SHANK2: variants seen among roughly 807,000 people sequenced by gnomAD.
The protein encoded by SHANK2 is SH3 and multiple ankyrin repeat domains 2.
In SHANK2, 43 loss-of-function variants were observed where a neutral mutation model predicts 133.7. The observed-to-expected ratio is 0.32, with a 90% CI of 0.25 to 0.41. The LOEUF is 0.41. SHANK2 is among the 10% of genes least tolerant of loss of function. The probability of loss-of-function intolerance (pLI) is 1.00; values close to 1 mark genes in which losing one functional copy is unlikely to be tolerated. For synonymous variants in SHANK2, 1,017 were observed against 952.8 expected, an observed-to-expected ratio of 1.07 and a Z score of -1.24; for missense variants, 1,994 against 2,235.8, an observed-to-expected ratio of 0.89 and a Z score of 2.18.
chr11:70,908,999 G>T (rs781983527), intron 10 of SHANK2, among the ~76,000 whole-genome samples: 50 of 152,230 alleles, frequency 3.3e-4, no homozygotes, highest in Admixed American at 1.5e-3. Flanking sequence ...AATACGTATG[G>T]CAGTCAAGGG....
Position 71,094,544 on chromosome 11 carries a change from G to T in SHANK2, c.737C>A (p.Ala246Asp). ...HKAARARNQV[A>D]LKTLLELGAS... ...AGATGGGCCCGAGTTTACCTTCAGG[G>T]CAACTTGGTTCCTCGCTCGGGCAGC... is the stretch of plus-strand genomic sequence containing the variant. The change falls in exon 7 of 26, where the codon GCC becomes GAC. Residue 246 changes from alanine to aspartate, a missense_variant. By Grantham distance (126) the Ala-to-Asp change is moderately radical (BLOSUM62 -2). Transcript: ENST00000601538. The T allele has an allele frequency of 1.3e-6, 2 of 1,550,522 alleles. No individual in the cohort carries two copies. Among genetic ancestry groups the T allele is most frequent in the East Asian group, 2.4e-5 (1 of 40,870 alleles).
Position 70,745,804 on chromosome 11 carries a change from C to T in SHANK2, c.1778-47041G>A, listed in dbSNP as rs548678027. On this transcript the variant is annotated intron_variant, in intron 14 of 25. Transcript: ENST00000601538. ...GAAGTTGCAGAGCCTTGGTGGGAAA[C>T]GCATTGCTGAGGATGCAAATGCAAC... Among the ~76,000 whole-genome samples, 84 of 152,316 alleles carry T rather than the reference C, an allele frequency of 5.5e-4. No homozygotes were observed. The South Asian group carries it at 5.8e-3, about 11-fold the overall frequency.
chr11:70,898,515 G>A lies in SHANK2; in HGVS notation c.1108-1948C>T, dbSNP rs145519930. Among the ~76,000 whole-genome samples the A allele has an allele frequency of 1.9e-3, 294 of 152,218 alleles. 6 individuals carry two copies. Among genetic ancestry groups the A allele is most frequent in the Admixed American group, 0.016 (238 of 15,278 alleles). ...AGATGGAGATGAAGAACACGTTACTGGAAACTGGAGGAAAAGTGATGCTCG... is the reference window on the plus strand; with the variant it reads ...AGATGGAGATGAAGAACACGTTACTAGAAACTGGAGGAAAAGTGATGCTCG... On this transcript the variant is annotated intron_variant, in intron 10 of 25. Transcript: ENST00000601538.
chr11:70,955,114 C>T (rs151090003), intron 10 of SHANK2, among the ~76,000 whole-genome samples: 485 of 152,318 alleles, frequency 3.2e-3, no homozygotes, highest in African/African-American at 0.011. Flanking sequence ...AAATTTGGGC[C>T]TTATTAAAAT....
rs1175079236 is a variant in SHANK2, at chr11:70,468,714, T to C, written c.*4155A>G. ...ATGGTGAAGCGGGAGAGCTTGAGGGTGAACTACAAAAGATATGAGGACTGG... is the reference window on the plus strand; with the variant it reads ...ATGGTGAAGCGGGAGAGCTTGAGGGCGAACTACAAAAGATATGAGGACTGG... On this transcript the variant is annotated 3_prime_UTR_variant, in exon 26 of 26. Coordinates refer to ENST00000601538, the MANE Select transcript of SHANK2 (RefSeq NM_012309.5). 6.6e-6 allele frequency: 1 copy of C among 151,918 alleles called. No homozygotes were observed. The highest frequency in any genetic ancestry group is 1.5e-5 in the Non-Finnish European group (1 of 67,994). 9.4% of individuals were successfully genotyped at this position (151,918 alleles called of 1,614,324 possible). A position where few individuals can be genotyped will look rare whatever the true frequency, so the allele number is the denominator to read the frequency against.
intron 13 of SHANK2, among the ~76,000 whole-genome samples, chr11:70,801,485 T>C (rs1948046350): frequency 3.9e-5 from 6 of 152,266 alleles, no homozygotes; most frequent in Middle Eastern, 3.4e-3. Context: ...GTGCCTTGAG[T>C]GCCTCCCTGA....
intron 14 of SHANK2, among the ~76,000 whole-genome samples, chr11:70,711,060 T>C (rs1444739941): frequency 3.3e-5 from 5 of 152,206 alleles, no homozygotes; most frequent in African/African-American, 1.2e-4. Context: ...TCTTCCCTTC[T>C]TCCCTCCCTT....
chr11:70,524,367 T>C (rs1359880167), intron 17 of SHANK2, among the ~76,000 whole-genome samples: 1 of 152,240 alleles, frequency 6.6e-6, no homozygotes, highest in Non-Finnish European at 1.5e-5. Flanking sequence ...GTATGGACTA[T>C]CTTCAACTTA....
intron 1 of SHANK2, among the ~76,000 whole-genome samples, chr11:71,229,843 T>C (rs921463560): frequency 2.6e-5 from 4 of 151,380 alleles, no homozygotes; most frequent in Admixed American, 2.6e-4. Flanking sequence ...AACTGTATGC[T>C]GAAAGCTATG....
At chr11:71,247,974 G>A (rs1241520690) in intron 1 of SHANK2, among the ~76,000 whole-genome samples, 1 of 152,216 alleles carries the variant, frequency 6.6e-6, no homozygotes. Context: ...AGCCCCACAG[G>A]CTTTTAAGAA....
At position 71,212,870 on chromosome 11, in the gene SHANK2, A is replaced by G. The variant is rs535769593; in HGVS notation, c.-13+11827T>C. On this transcript the variant is annotated intron_variant, in intron 2 of 25. Transcript: ENST00000601538. ...TCGGAACAGCAGGTGGAGGCACAGG[A>G]AGAGGAGCAGGGACCCCAGGCGGAG... 7.4e-5 allele frequency among the ~76,000 whole-genome samples: 11 copies of G among 149,044 alleles called. No homozygotes were observed. In the South Asian group the frequency reaches 2.4e-3, roughly 33 times the overall value.
chr11:71,122,164 A>G (rs1467294938), intron 3 of SHANK2, among the ~76,000 whole-genome samples: 2 of 152,248 alleles, frequency 1.3e-5, no homozygotes, highest in Non-Finnish European at 2.9e-5. Context: ...CCAAAGGATT[A>G]TAAATCATGC....
chr11:70,496,945 A>C, intron 21 of SHANK2: 1 of 456,554 alleles, frequency 2.2e-6, no homozygotes, highest in South Asian at 1.5e-5. Context: ...CATCCCTGAA[A>C]CTGTGGCCAC....
At chr11:71,157,200 G>A (rs1232726224) in intron 2 of SHANK2, among the ~76,000 whole-genome samples, 1 of 152,152 alleles carries the variant, frequency 6.6e-6, no homozygotes, top group Non-Finnish European at 1.5e-5. Flanking sequence ...AAAGAAATGG[G>A]CTCTAGGGAA....
intron 2 of SHANK2, among the ~76,000 whole-genome samples, chr11:71,151,366 G>A (rs1392230020): frequency 6.6e-6 from 1 of 152,170 alleles, no homozygotes; most frequent in Admixed American, 6.5e-5. Context: ...GTAGCGGGGT[G>A]CACTGGAACC....
At chr11:70,758,519 G>A (rs913982752) in intron 14 of SHANK2, among the ~76,000 whole-genome samples, 1 of 152,200 alleles carries the variant, frequency 6.6e-6, no homozygotes, top group Non-Finnish European at 1.5e-5. Context: ...GGTCCTAATC[G>A]AGCTGAATAG....
At chr11:71,190,121 T>A (rs1953762839) in intron 2 of SHANK2, among the ~76,000 whole-genome samples, 1 of 152,140 alleles carries the variant, frequency 6.6e-6, no homozygotes, top group Non-Finnish European at 1.5e-5. Context: ...ACCCCACGAC[T>A]GAAAAAGAAA....
chr11:70,789,853 C>T (rs182339343), intron 14 of SHANK2, among the ~76,000 whole-genome samples: 1 of 152,304 alleles, frequency 6.6e-6, no homozygotes, highest in East Asian at 1.9e-4. Flanking sequence ...CCCATTTTCT[C>T]ATCATGTTCT....
chr11:70,512,559 T>C (rs1554969448), intron 17 of SHANK2, among the ~76,000 whole-genome samples: 1 of 152,264 alleles, frequency 6.6e-6, no homozygotes, highest in Non-Finnish European at 1.5e-5. Flanking sequence ...TACTTAACAG[T>C]AATTCAAATC....
Sources: allele counts gnomAD v4.1 joint callset (sites outside exome capture counted in the v4.1 genomes callset), GRCh38; gene constraint gnomAD v4.1.1; transcripts MANE v1.5; gene names NCBI Gene and HGNC (gene_info 2026-07-23, HGNC 2026-07-21).